The following SHOC2 variants were observed in gnomAD, a reference collection of about 807,000 sequenced individuals.
The protein encoded by SHOC2 is SHOC2 leucine rich repeat scaffold protein.
Under a neutral mutation model 50.2 loss-of-function variants are expected in SHOC2, and 4 were observed. The ratio of observed to expected loss-of-function variants is 0.08; its 90% confidence interval spans 0.04 to 0.18. The LOEUF (loss-of-function observed/expected upper bound fraction) is 0.18, where lower values mean the gene tolerates loss of function less well. SHOC2 is among the 10% of genes least tolerant of loss of function. SHOC2 has a pLI of 1.00. For missense variants in SHOC2, 388 were observed against 669.6 expected (o/e 0.58, Z 4.64); for synonymous variants, 218 against 244.5 (o/e 0.89, Z 1.01).
intron 2 of SHOC2, among the ~76,000 whole-genome samples, chr10:110,968,898 G>T (rs1847726967): frequency 6.6e-6 from 1 of 152,096 alleles, no homozygotes; most frequent in Non-Finnish European, 1.5e-5. Context: ...ACGACACAAG[G>T]TTGGGCTATG....
At chr10:110,974,240 T>C (rs1381398032) in intron 2 of SHOC2, among the ~76,000 whole-genome samples, 5 of 152,144 alleles carry the variant, frequency 3.3e-5, no homozygotes, top group African/African-American at 1.2e-4. Flanking sequence ...TCCCTTTTTA[T>C]ATCTTCTCTG....
intron 2 of SHOC2, among the ~76,000 whole-genome samples, chr10:110,979,215 T>C (rs1224607947): frequency 6.6e-6 from 1 of 152,266 alleles, no homozygotes; most frequent in African/African-American, 2.4e-5. Flanking sequence ...CTTCAATTTC[T>C]TGCTGTTGGC....
intron 8 of SHOC2, 73 bp from the exon 9 acceptor site, chr10:111,011,537 C>A: frequency 1.0e-6 from 1 of 983,250 alleles, no homozygotes; most frequent in Non-Finnish European, 1.6e-6. Flanking sequence ...ATGACCAGAA[C>A]AGCATCATGC....
intron 2 of SHOC2, among the ~76,000 whole-genome samples, chr10:110,974,909 CA>C (rs1847848061): frequency 6.6e-6 from 1 of 152,134 alleles, no homozygotes; most frequent in African/African-American, 2.4e-5. Context: ...TGTTTTTAAA[CA>C]ATTTTTCAAA....
chr10:110,994,439 T>G (rs1208937210), intron 3 of SHOC2, among the ~76,000 whole-genome samples: 1 of 152,218 alleles, frequency 6.6e-6, no homozygotes, highest in Non-Finnish European at 1.5e-5. Flanking sequence ...TATTTTCACA[T>G]GTGCACAAAG....
At chr10:110,950,764 T>G (rs1397528586) in intron 1 of SHOC2, among the ~76,000 whole-genome samples, 6 of 152,172 alleles carry the variant, frequency 3.9e-5, no homozygotes, top group Non-Finnish European at 7.4e-5. Flanking sequence ...AATGGAGAAG[T>G]GATCGTTTCT....
intron 1 of SHOC2, among the ~76,000 whole-genome samples, chr10:110,955,017 G>A (rs1163800244): frequency 6.6e-6 from 1 of 152,122 alleles, no homozygotes; most frequent in Non-Finnish European, 1.5e-5. Context: ...ACTCTAAGAT[G>A]TCTTTTCTTT....
chr10:110,978,199 A>G (rs1024251342), intron 2 of SHOC2, among the ~76,000 whole-genome samples: 3 of 152,234 alleles, frequency 2.0e-5, no homozygotes, highest in African/African-American at 7.2e-5. Flanking sequence ...GAATACAGTC[A>G]TATATGGCTG....
chr10:110,953,569 A>G (rs973344226), intron 1 of SHOC2, among the ~76,000 whole-genome samples: 12 of 152,128 alleles, frequency 7.9e-5, no homozygotes, highest in Non-Finnish European at 1.6e-4. Flanking sequence ...AGTTTGGGCA[A>G]TTATAAAGCT....
In SHOC2 at chr10:110,959,132, G is replaced by GT. The variant is rs1847526053; in HGVS notation, c.-234-4991dup. ...ACATTTTATGTTTCAGTATTTAAGT[G>GT]TTCAGGCACAATACCAGAAAGCAAT... is the stretch of plus-strand genomic sequence containing the variant. On this transcript the variant is annotated intron_variant, in intron 1 of 8. Transcript: ENST00000369452. Among the ~76,000 whole-genome samples the GT allele has an allele frequency of 5.9e-5, 9 of 152,304 alleles. No homozygotes were observed. In the South Asian group the frequency reaches 1.9e-3, roughly 32 times the overall value.
chr10:110,944,811 G>T (rs1432988122), intron 1 of SHOC2, among the ~76,000 whole-genome samples: 1 of 152,150 alleles, frequency 6.6e-6, no homozygotes, highest in Non-Finnish European at 1.5e-5. Context: ...CTAATGACTG[G>T]ACAAAGATTT....
chr10:110,989,244 C>T lies in SHOC2; in HGVS notation c.841+3479C>T, dbSNP rs373526195. On this transcript the variant is annotated intron_variant, in intron 3 of 8. Coordinates refer to ENST00000369452, the MANE Select transcript of SHOC2 (RefSeq NM_007373.4). ...TCAATGAGTTTATTCTACTTTCTGC[C>T]GTTTCTGGAGGAGTCTCTTTTTCTT... Among the ~76,000 whole-genome samples the T allele has an allele frequency of 2.6e-4, 39 of 152,220 alleles. No individual in the cohort carries two copies. In the East Asian group the frequency reaches 6.4e-3, roughly 25 times the overall value.
chr10:111,008,889 A>C (rs1047004860), intron 6 of SHOC2, among the ~76,000 whole-genome samples: 2 of 152,086 alleles, frequency 1.3e-5, no homozygotes, highest in Non-Finnish European at 2.9e-5. Context: ...TTGATATAGC[A>C]AGTTTAGAAG....
intron 1 of SHOC2, among the ~76,000 whole-genome samples, chr10:110,955,007 A>ACT (rs1422370607): frequency 1.3e-5 from 2 of 152,106 alleles, no homozygotes; most frequent in Non-Finnish European, 2.9e-5. Flanking sequence ...TAATGGGGCA[A>ACT]CTCTAAGATG....
At chr10:110,956,074 A>G (rs1196122184) in intron 1 of SHOC2, among the ~76,000 whole-genome samples, 3 of 152,318 alleles carry the variant, frequency 2.0e-5, no homozygotes, top group South Asian at 2.1e-4. Flanking sequence ...ATGCACCAAC[A>G]TATGTAGAGA....
Position 110,919,624 on chromosome 10 carries a change from A to C in SHOC2, c.-268A>C. The C allele has an allele frequency of 2.5e-6, 1 of 398,066 alleles. No individual in the cohort carries two copies. Among genetic ancestry groups the C allele is most frequent in the Non-Finnish European group, 4.4e-6 (1 of 226,288 alleles). The allele number at this position is 398,066 out of a possible 1,614,324, so 24.7% of individuals were successfully genotyped here. On this transcript the variant is annotated 5_prime_UTR_variant, in exon 1 of 9. Transcript: ENST00000369452. ...AGGAGGAAGAGGAGGAAGGAGGGCGAGCGAGGAGGATGGCGGAGTCGGGGC... is the reference window on the plus strand; with the variant it reads ...AGGAGGAAGAGGAGGAAGGAGGGCGCGCGAGGAGGATGGCGGAGTCGGGGC...
At chr10:110,950,004 TTC>T (rs1847320430) in intron 1 of SHOC2, among the ~76,000 whole-genome samples, 1 of 152,324 alleles carries the variant, frequency 6.6e-6, no homozygotes, top group Non-Finnish European at 1.5e-5. Context: ...CAAGGATTTC[TTC>T]TCTCATCACT....
chr10:110,975,265 C>T (rs1050148351), intron 2 of SHOC2, among the ~76,000 whole-genome samples: 1 of 151,936 alleles, frequency 6.6e-6, no homozygotes, highest in African/African-American at 2.4e-5. Flanking sequence ...ACGCCATTCT[C>T]CTGCCTCAGT....
chr10:111,002,912 AAAGT>A (rs1225292648), intron 4 of SHOC2, among the ~76,000 whole-genome samples: 1 of 152,244 alleles, frequency 6.6e-6, no homozygotes, highest in African/African-American at 2.4e-5. Context: ...TCAATTCAAT[AAAGT>A]AAGTCAGTTG....
Sources: gnomAD v4.1 joint callset for allele counts (sites outside exome capture counted in the v4.1 genomes callset) on GRCh38, gnomAD v4.1.1 for gene constraint, MANE v1.5 for transcripts, NCBI Gene and HGNC (gene_info 2026-07-23, HGNC 2026-07-21) for gene names.